The following LRP1 variants were observed in gnomAD, a reference collection of about 807,000 sequenced individuals.
LRP1 encodes prolow-density lipoprotein receptor-related protein 1.
Under a neutral mutation model 541.5 loss-of-function variants are expected in LRP1, and 51 were observed. The observed-to-expected ratio is 0.09, with a 90% CI of 0.08 to 0.12. The LOEUF is 0.12. Among genes scored for constraint, LRP1 ranks in the 10% least tolerant of loss-of-function variants. The probability of loss-of-function intolerance (pLI) is 1.00; values close to 1 mark genes in which losing one functional copy is unlikely to be tolerated. For missense variants in LRP1, 3,878 were observed against 6,376.2 expected, an observed-to-expected ratio of 0.61 and a Z score of 13.34; for synonymous variants, 2,219 against 2,470.8, an observed-to-expected ratio of 0.90 and a Z score of 3.02.
Position 57,212,351 on chromosome 12 carries a change from G to C in LRP1, c.13495-64G>C. Reference sequence around the variant, plus strand: ...GGTTAGGTGAGGGACGGAGGTGGGGGTGGGGTAACCTGGGCTACAGGCCCA... The same window carrying C: ...GGTTAGGTGAGGGACGGAGGTGGGGCTGGGGTAACCTGGGCTACAGGCCCA... On this transcript the variant is annotated intron_variant, in intron 88 of 88. Transcript: ENST00000243077. This position sits in a 1 kb window ranked among gnomAD's most constrained non-coding sequence, Gnocchi z 5.0. 6.2e-7 allele frequency: 1 copy of C among 1,613,580 alleles called. No homozygotes were observed. Among genetic ancestry groups the C allele is most frequent in the East Asian group, 2.2e-5 (1 of 44,864 alleles).
intron 60 of LRP1, among the ~76,000 whole-genome samples, chr12:57,198,948 G>A (rs12831933): frequency 6.6e-6 from 1 of 152,280 alleles, no homozygotes; most frequent in East Asian, 1.9e-4. Context: ...GGAGGCCTGC[G>A]ATTGAGAACT....
intron 11 of LRP1, among the ~76,000 whole-genome samples, chr12:57,159,120 G>A (rs2035679917): frequency 6.6e-6 from 1 of 152,228 alleles, no homozygotes; most frequent in South Asian, 2.1e-4. Context: ...TGCTTGGGCA[G>A]GTTCACAGTG....
At chr12:57,138,310 C>A in intron 1 of LRP1, 149 bp from the exon 2 acceptor site, 1 of 953,238 alleles carries the variant, frequency 1.0e-6, no homozygotes. Context: ...AAGCCACCCC[C>A]TGACACCCCC....
In LRP1 at chr12:57,186,061, C is replaced by A. The variant is rs142247563; in HGVS notation, c.6841+153C>A. Among the ~76,000 whole-genome samples, 53 of 152,280 alleles carry A rather than the reference C, an allele frequency of 3.5e-4. No individual in the cohort carries two copies. The East Asian group carries it at 9.9e-3, about 28-fold the overall frequency. On this transcript the variant is annotated intron_variant, in intron 41 of 88. Coordinates refer to ENST00000243077, the MANE Select transcript of LRP1 (RefSeq NM_002332.3). The stretch of plus-strand genomic sequence containing the variant: ...ACTGCACCCCCGCAGTTACATGACT[C>A]CTGATTTGGAGTCAGCGTCAGCCCC...
chr12:57,179,933 C>T lies in LRP1; in HGVS notation c.5118C>T (p.Gly1706=). The T allele has an allele frequency of 6.2e-7, 1 of 1,614,080 alleles. No homozygotes were observed. Among genetic ancestry groups the T allele is most frequent in the Non-Finnish European group, 8.5e-7 (1 of 1,180,008 alleles). Residue 1706 remains glycine, a synonymous_variant, in exon 30 of 89, where the codon GGC becomes GGT. Coordinates refer to ENST00000243077, the MANE Select transcript of LRP1 (RefSeq NM_002332.3). This position sits in a 1 kb window ranked among gnomAD's most constrained non-coding sequence, Gnocchi z 6.8. ...TGCAGGGCCTGGAGCAGCCCCATGG[C>T]CTTGTCGTCCACCCTCTGCGTGGGT... ...AVVQGLEQPH[G]LVVHPLRGKL...
chr12:57,201,819 A>T lies in LRP1; in HGVS notation c.10508A>T (p.Asp3503Val). Residue 3503 changes from aspartate to valine, a missense_variant, in exon 67 of 89, where the codon GAT becomes GTT. Physicochemically the swap from Asp to Val is radical, Grantham distance 152 (BLOSUM62 -3). Around this residue, in one of 13 missense-constraint regions of LRP1, gnomAD observed 278 missense variants for 536.3 expected, o/e 0.52. Coordinates refer to ENST00000243077, the MANE Select transcript of LRP1 (RefSeq NM_002332.3). The surrounding 1 kb of genome is among the most constrained non-coding windows in gnomAD (Gnocchi z 6.4). ...GGTGTGGACGAGTTCCGCTGCAAGGATTCGGGCCGCTGCATCCCAGCGCGT... is the reference window on the plus strand; with the variant it reads ...GGTGTGGACGAGTTCCGCTGCAAGGTTTCGGGCCGCTGCATCCCAGCGCGT... ...TCGVDEFRCK[D>V]SGRCIPARWK... 6.2e-7 allele frequency: 1 copy of T among 1,614,008 alleles called. No individual in the cohort carries two copies. The highest frequency in any genetic ancestry group is 1.3e-5 in the African/African-American group (1 of 74,990).
At chr12:57,135,130 A>G (rs2035129801) in intron 1 of LRP1, among the ~76,000 whole-genome samples, 2 of 152,234 alleles carry the variant, frequency 1.3e-5, no homozygotes, top group African/African-American at 4.8e-5. Flanking sequence ...CCCACCTCAC[A>G]GGGTTATAGT....
Position 57,183,455 on chromosome 12 carries a change from T to A in LRP1, c.5739T>A (p.Asp1913Glu), listed in dbSNP as rs752616877. The A allele has an allele frequency of 1.2e-6, 2 of 1,614,200 alleles. No individual in the cohort carries two copies. Among genetic ancestry groups the A allele is most frequent in the African/African-American group, 2.7e-5 (2 of 75,058 alleles). The change falls in exon 35 of 89, where the codon GAT becomes GAA. Residue 1913 changes from aspartate (D) to glutamate (E), a missense_variant. This residue lies in a region of LRP1 where 394 missense variants were observed against 635.9 expected (regional missense o/e 0.62). Transcript: ENST00000243077. This position sits in a 1 kb window ranked among gnomAD's most constrained non-coding sequence, Gnocchi z 6.1. ...GIPLDPNDKS[D>E]ALVPVSGTSL... is the part of the protein sequence containing the mutation. ...CCCTGGATCCCAATGACAAGTCAGA[T>A]GCCCTGGTCCCAGTGTCCGGGACCT...
rs1269120207 is a variant in LRP1 at position 57,190,798 on chromosome 12, C to T, written c.7032-7C>T. On this transcript the variant is annotated splice_region_variant and splice_polypyrimidine_tract_variant and intron_variant, in intron 42 of 88. Transcript: ENST00000243077. Reference sequence around the variant, plus strand: ...TGCCTCCTGATCTCTGGACCCTCTTCCCCCAGCCTCATGTTCTGGACCAAC... The same window carrying T: ...TGCCTCCTGATCTCTGGACCCTCTTTCCCCAGCCTCATGTTCTGGACCAAC... The T allele has an allele frequency of 1.9e-6, 3 of 1,613,002 alleles. No individual in the cohort carries two copies. Among genetic ancestry groups the T allele is most frequent in the East Asian group, 2.2e-5 (1 of 44,880 alleles).
chr12:57,150,974 A>G (rs1488318741), intron 6 of LRP1, among the ~76,000 whole-genome samples: 1 of 151,950 alleles, frequency 6.6e-6, no homozygotes, highest in East Asian at 1.9e-4. Context: ...GGATGTGGAT[A>G]GAGGTCCAGG....
In LRP1 at chr12:57,154,521, A is replaced by G; in HGVS notation, c.1047A>G (p.Glu349=). 2 of 1,614,204 alleles carry G rather than the reference A, an allele frequency of 1.2e-6. No individual in the cohort carries two copies. Among genetic ancestry groups the G allele is most frequent in the Non-Finnish European group, 1.7e-6 (2 of 1,180,020 alleles). The change falls in exon 8 of 89, where the codon GAA becomes GAG. Residue 349 remains glutamate, a synonymous_variant. Coordinates refer to ENST00000243077, the MANE Select transcript of LRP1 (RefSeq NM_002332.3). This position sits in a 1 kb window ranked among gnomAD's most constrained non-coding sequence, Gnocchi z 4.6. ...ACTATGGGCAGATCCCAAAGGTGGA[A>G]CGCTGTGACATGGATGGGCAGAACC... ...FTDYGQIPKV[E]RCDMDGQNRT... is the part of the protein sequence containing the mutation.
Position 57,187,333 on chromosome 12 carries a change from C to A in LRP1, c.6908C>A (p.Thr2303Lys). Residue 2303 changes from threonine (T) to lysine (K), a missense_variant, in exon 42 of 89, where the codon ACG (threonine) becomes AAG (lysine). Physicochemically the swap from Thr to Lys is moderately conservative, Grantham distance 78. Transcript: ENST00000243077. ...GACACTCTCTATTGGACAAGCTACA[C>A]GACATCCACCATCACGCGCCACACA... Reference protein sequence around the residue: ...GWDTLYWTSYTTSTITRHTVD... With the variant: ...GWDTLYWTSYKTSTITRHTVD... 1 of 1,614,202 alleles carries A rather than the reference C, an allele frequency of 6.2e-7. No homozygotes were observed. The highest frequency in any genetic ancestry group is 8.5e-7 in the Non-Finnish European group (1 of 1,180,038).
chr12:57,151,171 A>G lies in LRP1; in HGVS notation c.842-3037A>G, dbSNP rs542648783. Among the ~76,000 whole-genome samples the G allele has an allele frequency of 2.0e-4, 31 of 152,282 alleles. No homozygotes were observed. In the South Asian group the frequency reaches 6.2e-3, roughly 31 times the overall value. On this transcript the variant is annotated intron_variant, in intron 6 of 88. Coordinates refer to ENST00000243077, the MANE Select transcript of LRP1 (RefSeq NM_002332.3). ...CCATGTGTTTGGGAAAGCAGCCACC[A>G]TGTATGGAAATGCCTCTTGAACAAT... is the stretch of plus-strand genomic sequence containing the variant.
intron 11 of LRP1, among the ~76,000 whole-genome samples, chr12:57,159,357 G>C (rs905437404): frequency 6.6e-6 from 1 of 152,206 alleles, no homozygotes; most frequent in African/African-American, 2.4e-5. Flanking sequence ...AAAAGATTAG[G>C]GGTCCCTATA....
intron 42 of LRP1, among the ~76,000 whole-genome samples, chr12:57,190,104 G>A (rs907376673): frequency 1.3e-4 from 20 of 152,274 alleles, no homozygotes; most frequent in African/African-American, 3.1e-4. Flanking sequence ...AGTTGGAGCC[G>A]TTACGAGGCA....
Position 57,211,256 on chromosome 12 carries a change from T to G in LRP1, c.12997T>G (p.Tyr4333Asp), listed in dbSNP as rs1363572777. Residue 4333 changes from tyrosine (Y) to aspartate (D), a missense_variant, in exon 84 of 89, where the codon TAC (tyrosine) becomes GAC (aspartate). By Grantham distance (160) the Tyr-to-Asp change is radical. Coordinates refer to ENST00000243077, the MANE Select transcript of LRP1 (RefSeq NM_002332.3). This position sits in a 1 kb window ranked among gnomAD's most constrained non-coding sequence, Gnocchi z 4.3. ...CTCCCGACAATGCCGCTGCACTGCC[T>G]ACTTTGAGGGATCGAGGTGTGAGGT... The part of the protein sequence containing the change: ...DGSRQCRCTA[Y>D]FEGSRCEVNK... The G allele has an allele frequency of 4.3e-6, 7 of 1,614,214 alleles. No individual in the cohort carries two copies. The Admixed American group carries it at 8.3e-5, about 19-fold the overall frequency.
At position 57,195,721 on chromosome 12, in the gene LRP1, A is replaced by G. The variant is rs1489610915; in HGVS notation, c.8501A>G (p.His2834Arg). ...CAGAACCGCCAGTGCATCCCCAAGCACTTCGTGTGTGACCACGACCGTGAC... is the reference window on the plus strand; with the variant it reads ...CAGAACCGCCAGTGCATCCCCAAGCGCTTCGTGTGTGACCACGACCGTGAC... ...MCQNRQCIPK[H>R]FVCDHDRDCA... Residue 2834 changes from histidine (H) to arginine (R), a missense_variant, in exon 53 of 89, where the codon CAC becomes CGC. Coordinates refer to ENST00000243077, the MANE Select transcript of LRP1 (RefSeq NM_002332.3). The G allele has an allele frequency of 6.2e-7, 1 of 1,614,162 alleles. No homozygotes were observed. The highest frequency in any genetic ancestry group is 8.5e-7 in the Non-Finnish European group (1 of 1,180,022).
Position 57,169,160 on chromosome 12 carries a change from A to G in LRP1, c.3016A>G (p.Ser1006Gly). 6.2e-7 allele frequency: 1 copy of G among 1,611,152 alleles called. No homozygotes were observed. Among genetic ancestry groups the G allele is most frequent in the Non-Finnish European group, 8.5e-7 (1 of 1,177,650 alleles). The change falls in exon 20 of 89, where the codon AGT (serine) becomes GGT (glycine). Residue 1006 changes from serine (S) to glycine (G), a missense_variant. This residue lies in a region of LRP1 where 320 missense variants were observed against 547.9 expected (regional missense o/e 0.58). Transcript: ENST00000243077. ...CDNDNDCGDN[S>G]DEAGCSHSCS... is the part of the protein sequence containing the mutation. ...GCCAGACAATGACTGTGGGGACAAC[A>G]GTGACGAAGCCGGCTGCAGCCACTC...
chr12:57,150,619 T>C (rs1396870559), intron 6 of LRP1, among the ~76,000 whole-genome samples: 1 of 152,104 alleles, frequency 6.6e-6, no homozygotes, highest in East Asian at 1.9e-4. Context: ...CACAGGGCTC[T>C]GGCTGGAGGC....
Sources: gnomAD v4.1 joint callset for allele counts (sites outside exome capture counted in the v4.1 genomes callset) on GRCh38, gnomAD v4.1.1 for gene constraint, gnomAD v4.1.1 regional missense constraint, Gnocchi (gnomAD v3.1) non-coding constraint, MANE v1.5 for transcripts, NCBI Gene and HGNC (gene_info 2026-07-23, HGNC 2026-07-21) for gene names.